The following BMP2K variants were observed in gnomAD, a reference collection of about 807,000 sequenced individuals.
BMP2K encodes BMP-2-inducible protein kinase.
A neutral mutation model predicts 116.0 loss-of-function variants in BMP2K; 74 were observed. The observed-to-expected ratio is 0.64, with a 90% CI of 0.53 to 0.77. BMP2K has a LOEUF of 0.77. Among genes scored for constraint, BMP2K ranks in the 30% least tolerant of loss-of-function variants. The probability of loss-of-function intolerance (pLI) is 0.00; values close to 1 mark genes in which losing one functional copy is unlikely to be tolerated. For missense variants in BMP2K, 1,365 were observed against 1,403.6 expected (o/e 0.97, Z 0.44); for synonymous variants, 486 against 502.5 (o/e 0.97, Z 0.44).
chr4:78,821,333 A>G (rs1239989720), intron 1 of BMP2K, among the ~76,000 whole-genome samples: 1 of 151,940 alleles, frequency 6.6e-6, no homozygotes, highest in Non-Finnish European at 1.5e-5. Flanking sequence ...AAATTGTGTG[A>G]CTCCCACATT....
chr4:78,853,364 T>A (rs529861784), intron 7 of BMP2K, among the ~76,000 whole-genome samples: 67 of 152,286 alleles, frequency 4.4e-4, no homozygotes, highest in African/African-American at 1.5e-3. Flanking sequence ...CCTGGAGACT[T>A]TTCTTCTTAA....
chr4:78,825,216 CAAAA>C (rs920222153), intron 1 of BMP2K, among the ~76,000 whole-genome samples: 4 of 151,836 alleles, frequency 2.6e-5, no homozygotes, highest in African/African-American at 7.3e-5. Context: ...AAAACAAAAA[CAAAA>C]AAACCCAAAA....
intron 2 of BMP2K, among the ~76,000 whole-genome samples, chr4:78,831,342 A>G (rs1436090473): frequency 6.6e-6 from 1 of 152,224 alleles, no homozygotes; most frequent in Non-Finnish European, 1.5e-5. Flanking sequence ...TATGACAGAG[A>G]CACAAACTGA....
intron 1 of BMP2K, among the ~76,000 whole-genome samples, chr4:78,793,762 G>A (rs768282457): frequency 6.6e-6 from 1 of 151,796 alleles, no homozygotes; most frequent in Non-Finnish European, 1.5e-5. Context: ...TATGAAAAAA[G>A]AACATAGAAG....
intron 13 of BMP2K, among the ~76,000 whole-genome samples, chr4:78,875,225 G>A (rs920799025): frequency 3.9e-5 from 6 of 152,088 alleles, no homozygotes; most frequent in Admixed American, 6.6e-5. Flanking sequence ...TAATGTTCCT[G>A]CTTATGACAA....
In BMP2K at chr4:78,913,673, TCA is replaced by T. The variant is rs1194383711; in HGVS notation, c.*1643_*1644del. The T allele has an allele frequency of 6.6e-6, 1 of 152,186 alleles. No homozygotes were observed. The highest frequency in any genetic ancestry group is 1.5e-5 in the Non-Finnish European group (1 of 67,988). 9.4% of individuals were successfully genotyped at this position (152,186 alleles called of 1,614,324 possible). A position where few individuals can be genotyped will look rare whatever the true frequency, so the allele number is the denominator to read the frequency against. ...AATGGGATAAGCTATTTGCCTATTTTCACAGTTCTGAACTTGGAAAGAAGCAA... is the reference window on the plus strand; with the variant it reads ...AATGGGATAAGCTATTTGCCTATTTTCAGTTCTGAACTTGGAAAGAAGCAA... On this transcript the variant is annotated 3_prime_UTR_variant, in exon 16 of 16. Transcript: ENST00000502613.
chr4:78,822,311 A>C (rs1309230198), intron 1 of BMP2K, among the ~76,000 whole-genome samples: 3 of 152,288 alleles, frequency 2.0e-5, no homozygotes, highest in Non-Finnish European at 4.4e-5. Flanking sequence ...TGTCCTATGA[A>C]ATTATTTCAT....
intron 3 of BMP2K, among the ~76,000 whole-genome samples, chr4:78,835,353 C>T (rs916594037): frequency 1.3e-5 from 2 of 151,962 alleles, no homozygotes; most frequent in South Asian, 2.1e-4. Context: ...TGGCCTGGTG[C>T]GGTGGCTCAC....
In BMP2K at chr4:78,880,819, A is replaced by G. The variant is rs1474148123; in HGVS notation, c.1951+1928A>G. ...GTAAATTGTGCATGTGTCTGTGTGCACATGTGTATGCCAAAGAGACTTCAG... is the reference window on the plus strand; with the variant it reads ...GTAAATTGTGCATGTGTCTGTGTGCGCATGTGTATGCCAAAGAGACTTCAG... On this transcript the variant is annotated intron_variant, in intron 14 of 15. Coordinates refer to ENST00000502613, the MANE Select transcript of BMP2K (RefSeq NM_198892.2). Among the ~76,000 whole-genome samples the G allele has an allele frequency of 2.0e-5, 3 of 152,240 alleles. 1 individual carries two copies. The highest frequency in any genetic ancestry group is 4.1e-4 in the South Asian group (2 of 4,834).
chr4:78,911,971 C>G lies in BMP2K; in HGVS notation c.3424C>G (p.Gln1142Glu), dbSNP rs755938800. The change falls in exon 16 of 16, where the codon CAA becomes GAA. Residue 1142 changes from glutamine (Q) to glutamate (E), a missense_variant. Physicochemically the swap from Gln to Glu is conservative, Grantham distance 29. This residue lies in a region of BMP2K where 596 missense variants were observed against 623.2 expected (regional missense o/e 0.96). Transcript: ENST00000502613. ...GCAAAGCATCACTCCACATCAGTCC[C>G]AACAGTCCCAACCAGTCGAATTAGA... Reference protein sequence around the residue: ...VVQSITPHQSQQSQPVELDPF... With the variant: ...VVQSITPHQSEQSQPVELDPF... 1 of 1,613,928 alleles carries G rather than the reference C, an allele frequency of 6.2e-7. No homozygotes were observed. The highest frequency in any genetic ancestry group is 8.5e-7 in the Non-Finnish European group (1 of 1,179,846).
chr4:78,875,679 G>A (rs1052145409), intron 13 of BMP2K, among the ~76,000 whole-genome samples: 5 of 152,114 alleles, frequency 3.3e-5, no homozygotes, highest in African/African-American at 1.2e-4. Context: ...GGTAAGGCTG[G>A]GTCGGCTGTC....
intron 1 of BMP2K, among the ~76,000 whole-genome samples, chr4:78,801,762 C>A (rs181145841): frequency 1.4e-3 from 220 of 152,276 alleles, no homozygotes; most frequent in Middle Eastern, 0.014. Flanking sequence ...TGTGTAAGAA[C>A]CTTAGAATGC....
intron 14 of BMP2K, among the ~76,000 whole-genome samples, chr4:78,883,591 C>G (rs1732955255): frequency 6.6e-6 from 1 of 152,076 alleles, no homozygotes; most frequent in African/African-American, 2.4e-5. Flanking sequence ...AAATAAGTTC[C>G]CCTCTACATG....
chr4:78,837,716 A>G (rs1043045777), intron 3 of BMP2K, among the ~76,000 whole-genome samples: 13 of 151,714 alleles, frequency 8.6e-5, no homozygotes, highest in Non-Finnish European at 1.9e-4. Flanking sequence ...CTGGAGTCCA[A>G]AGTCAAACTT....
At chr4:78,904,520 A>G (rs1363995440) in intron 15 of BMP2K, among the ~76,000 whole-genome samples, 1 of 151,938 alleles carries the variant, frequency 6.6e-6, no homozygotes, top group Non-Finnish European at 1.5e-5. Flanking sequence ...AAAACTTTAT[A>G]ACCTATCATT....
intron 1 of BMP2K, among the ~76,000 whole-genome samples, chr4:78,814,885 T>A (rs756448320): frequency 2.0e-5 from 3 of 152,222 alleles, no homozygotes; most frequent in Non-Finnish European, 4.4e-5. Context: ...ATCTAGAGAC[T>A]GGCACTTTAA....
chr4:78,831,009 C>T (rs1209757771), intron 2 of BMP2K, among the ~76,000 whole-genome samples: 2 of 152,172 alleles, frequency 1.3e-5, no homozygotes, highest in East Asian at 1.9e-4. Flanking sequence ...GCTTAGATGT[C>T]GCGCTTCTTT....
At chr4:78,797,771 GAA>G (rs902072262) in intron 1 of BMP2K, among the ~76,000 whole-genome samples, 1 of 152,104 alleles carries the variant, frequency 6.6e-6, no homozygotes. Context: ...AGCAATGTGA[GAA>G]AGTTTTCTGT....
intron 4 of BMP2K, among the ~76,000 whole-genome samples, chr4:78,844,162 A>G (rs970102449): frequency 6.6e-6 from 1 of 151,794 alleles, no homozygotes; most frequent in Non-Finnish European, 1.5e-5. Context: ...AGCACTTTAC[A>G]TATTTTAACT....
Sources: gnomAD v4.1 joint callset for allele counts (sites outside exome capture counted in the v4.1 genomes callset) on GRCh38, gnomAD v4.1.1 for gene constraint, gnomAD v4.1.1 regional missense constraint, MANE v1.5 for transcripts, NCBI Gene and HGNC (gene_info 2026-07-23, HGNC 2026-07-21) for gene names.